Variants in EHMT1 observed in about 807,000 individuals in gnomAD.
EHMT1 encodes the protein euchromatic histone lysine methyltransferase 1.
A neutral mutation model predicts 147.2 loss-of-function variants in EHMT1; 15 were observed. The ratio of observed to expected loss-of-function variants is 0.10; its 90% CI spans 0.07 to 0.16. The LOEUF (loss-of-function observed/expected upper bound fraction) is 0.16. Ranked by LOEUF, EHMT1 falls within the 10% of genes least tolerant of loss-of-function variation. EHMT1 has a pLI of 1.00. For synonymous variants in EHMT1, 795 were observed against 709.6 expected, an observed-to-expected ratio of 1.12 and a Z score of -1.91; for missense variants, 1,587 against 1,772.4, an observed-to-expected ratio of 0.90 and a Z score of 1.88.
intron 1 of EHMT1, among the ~76,000 whole-genome samples, chr9:137,649,070 G>C (rs1262854454): frequency 6.6e-6 from 1 of 152,220 alleles, no homozygotes; most frequent in Admixed American, 6.5e-5. Flanking sequence ...GGGTTGAGTA[G>C]TGTCTTCCCA....
intron 6 of EHMT1, among the ~76,000 whole-genome samples, chr9:137,751,833 C>T (rs531655168): frequency 8.5e-5 from 13 of 152,274 alleles, no homozygotes; most frequent in African/African-American, 2.9e-4. Context: ...GAGGCGTGGG[C>T]AACTTAGCTG....
At position 137,813,220 on chromosome 9, in the gene EHMT1, G is replaced by A. The variant is rs113138915; in HGVS notation, c.3035+47G>A. 3.0e-3 allele frequency: 4,768 copies of A among 1,597,476 alleles called. 9 individuals are homozygous for A. Among genetic ancestry groups the A allele is most frequent in the Non-Finnish European group, 3.6e-3 (4,182 of 1,177,426 alleles). On this transcript the variant is annotated intron_variant, in intron 20 of 26. Transcript: ENST00000460843. This position sits in a 1 kb window ranked among gnomAD's most constrained non-coding sequence, Gnocchi z 4.9. ...CTTTGTGGCAAATCAGCGGTCAGCAGGGCTTTGGGAACTTGCGGTGAAAGC... is the reference window on the plus strand; with the variant it reads ...CTTTGTGGCAAATCAGCGGTCAGCAAGGCTTTGGGAACTTGCGGTGAAAGC...
At chr9:137,738,594 A>G (rs1947765014) in intron 4 of EHMT1, 1 of 152,170 alleles carries the variant, frequency 6.6e-6, no homozygotes, top group Non-Finnish European at 1.5e-5. Context: ...TTGTACACCC[A>G]CGTTGATAGC....
At chr9:137,690,482 C>T (rs1432392425) in intron 1 of EHMT1, among the ~76,000 whole-genome samples, 1 of 145,602 alleles carries the variant, frequency 6.9e-6, no homozygotes, top group Non-Finnish European at 1.5e-5. Context: ...GCACTCCCGC[C>T]TGGGTGGCAG....
intron 26 of EHMT1, 68 bp downstream of exon 26, chr9:137,834,592 T>C: frequency 1.2e-6 from 2 of 1,603,270 alleles, no homozygotes; most frequent in Non-Finnish European, 1.7e-6. Flanking sequence ...GGGGCTCGCA[T>C]TGCTTTCCTG....
Position 137,786,115 on chromosome 9 carries a change from T to A in EHMT1, c.2382+3718T>A, listed in dbSNP as rs770014590. 5.3e-5 allele frequency: 8 copies of A among 152,316 alleles called. No homozygotes were observed. Among genetic ancestry groups the A allele is most frequent in the Non-Finnish European group, 1.2e-4 (8 of 68,116 alleles). The allele number at this position is 152,316 out of a possible 1,614,324, so 9.4% of individuals were successfully genotyped here. A position where few individuals can be genotyped will look rare whatever the true frequency, so the allele number is the denominator to read the frequency against. ...AGGCCGAGTGAGGGGAGTACAGAGC[T>A]CTTCGTTCTGTTTTACAGCCTCTTG... On this transcript the variant is annotated intron_variant, in intron 15 of 26. Transcript: ENST00000460843. The surrounding 1 kb of genome is among the most constrained non-coding windows in gnomAD (Gnocchi z 4.3).
intron 10 of EHMT1, among the ~76,000 whole-genome samples, chr9:137,770,253 C>A (rs1239673528): frequency 6.6e-6 from 1 of 152,098 alleles, no homozygotes; most frequent in Non-Finnish European, 1.5e-5. Context: ...TTTTCTCCTT[C>A]CATTTTAGTT....
intron 22 of EHMT1, chr9:137,815,701 C>T: frequency 1.9e-6 from 1 of 524,906 alleles, no homozygotes; most frequent in Non-Finnish European, 3.5e-6. Flanking sequence ...CAGAAGCTGG[C>T]CCCAGGCTGG....
intron 7 of EHMT1, among the ~76,000 whole-genome samples, 184 bp downstream of exon 7, chr9:137,752,592 G>T (rs539526279): frequency 6.6e-6 from 1 of 152,330 alleles, no homozygotes; most frequent in South Asian, 2.1e-4. Flanking sequence ...GAAAGACACC[G>T]TGCAGAGTTG....
chr9:137,826,523 T>G (rs1201304142), intron 25 of EHMT1, among the ~76,000 whole-genome samples: 2 of 152,212 alleles, frequency 1.3e-5, no homozygotes, highest in South Asian at 4.1e-4. Context: ...CACCATAGAC[T>G]GCACAACAGA....
At chr9:137,694,147 TA>T (rs1943185935) in intron 1 of EHMT1, among the ~76,000 whole-genome samples, 1 of 103,998 alleles carries the variant, frequency 9.6e-6, no homozygotes, top group Non-Finnish European at 1.9e-5. Context: ...CGCTGGCCGA[TA>T]CCCCCACACA....
chr9:137,803,134 C>G, intron 18 of EHMT1: 1 of 1,228,718 alleles, frequency 8.1e-7, no homozygotes, highest in Non-Finnish European at 1.0e-6. Context: ...TGTTAGCTCT[C>G]TGATGCTGGT....
chr9:137,733,161 G>C (rs939055403), intron 4 of EHMT1, among the ~76,000 whole-genome samples: 1 of 152,240 alleles, frequency 6.6e-6, no homozygotes, highest in Non-Finnish European at 1.5e-5. Flanking sequence ...TCTGTGCTGT[G>C]CAAGAAGGTT....
chr9:137,800,441 A>C, intron 17 of EHMT1: 1 of 224,418 alleles, frequency 4.5e-6, no homozygotes, highest in Non-Finnish European at 9.0e-6. Context: ...TTGGAGGCTG[A>C]AGGAGGAGCA....
In EHMT1 at chr9:137,716,797, A is replaced by G. The variant is rs768711422; in HGVS notation, c.257A>G (p.Asn86Ser). 6.2e-7 allele frequency: 1 copy of G among 1,613,278 alleles called. No homozygotes were observed. The highest frequency in any genetic ancestry group is 1.1e-5 in the South Asian group (1 of 91,088). The change falls in exon 3 of 27, where the codon AAC becomes AGC. Residue 86 changes from asparagine (N) to serine (S), a missense_variant. This residue lies in a region of EHMT1 where 810 missense variants were observed against 673.0 expected (regional missense o/e 1.20). Coordinates refer to ENST00000460843, the MANE Select transcript of EHMT1 (RefSeq NM_024757.5). ...SARVNPQDGT[N>S]TLTRIAENGV... Reference sequence around the variant, plus strand: ...AGGGTCAACCCCCAGGATGGCACCAACACACTAACTCGGATAGCGGAAAAT... The same window carrying G: ...AGGGTCAACCCCCAGGATGGCACCAGCACACTAACTCGGATAGCGGAAAAT...
rs369524552 is a variant in EHMT1, at chr9:137,828,049, G to A, written c.3541-6300G>A. 2.0e-5 allele frequency among the ~76,000 whole-genome samples: 3 copies of A among 152,178 alleles called. No homozygotes were observed. The highest frequency in any genetic ancestry group is 4.4e-5 in the Non-Finnish European group (3 of 68,036). On this transcript the variant is annotated intron_variant, in intron 25 of 26. Coordinates refer to ENST00000460843, the MANE Select transcript of EHMT1 (RefSeq NM_024757.5). This position sits in a 1 kb window ranked among gnomAD's most constrained non-coding sequence, Gnocchi z 5.3. ...CAGGGTGCGACGGGGTGGTCGGCCC[G>A]GCTGCCATCGTGGGAGGGACGTGGA...
rs55802227 is a variant in EHMT1, at chr9:137,800,536, CGT to C, written c.2608-336_2608-335del. 120,403 of 341,852 alleles carry C rather than the reference CGT, an allele frequency of 0.35. 22,981 individuals are homozygous for C. The highest frequency in any genetic ancestry group is 0.41 in the Non-Finnish European group (73,400 of 178,714). 21.2% of individuals were successfully genotyped at this position (341,852 alleles called of 1,614,324 possible). On this transcript the variant is annotated intron_variant, in intron 17 of 26. Coordinates refer to ENST00000460843, the MANE Select transcript of EHMT1 (RefSeq NM_024757.5). ...CCTGGGCTTACGAAGTTTCAGCTCCCGTGTGTGTGCCATTAGACTCGTTGCAC... is the reference window on the plus strand; with the variant it reads ...CCTGGGCTTACGAAGTTTCAGCTCCCGTGTGTGCCATTAGACTCGTTGCAC...
chr9:137,744,109 G>T lies in EHMT1; in HGVS notation c.1170+19G>T. The T allele has an allele frequency of 6.2e-7, 1 of 1,613,398 alleles. No individual in the cohort carries two copies. The highest frequency in any genetic ancestry group is 2.2e-5 in the East Asian group (1 of 44,874). ...CCAGAAGGTATGTGTTGCTGTCTTG[G>T]GTGACAGCACAAGGAAAGAGCATCA... On this transcript the variant is annotated intron_variant, in intron 6 of 26. Transcript: ENST00000460843.
Position 137,788,733 on chromosome 9 carries a change from G to T in EHMT1, c.2383-2115G>T, listed in dbSNP as rs565390689. 2.0e-5 allele frequency: 3 copies of T among 152,326 alleles called. No homozygotes were observed. In the East Asian group the frequency reaches 5.8e-4, roughly 30 times the overall value. 9.4% of individuals were successfully genotyped at this position (152,326 alleles called of 1,614,324 possible). ...CGATGGGTAGCCGTTGGCGGGGAGT[G>T]CTCGCGAGCCTGGGAAGGGCGCCGT... On this transcript the variant is annotated intron_variant, in intron 15 of 26. Coordinates refer to ENST00000460843, the MANE Select transcript of EHMT1 (RefSeq NM_024757.5).
Sources: allele counts gnomAD v4.1 joint callset (sites outside exome capture counted in the v4.1 genomes callset), GRCh38; gene constraint gnomAD v4.1.1; regional missense constraint gnomAD v4.1.1; non-coding constraint Gnocchi (gnomAD v3.1); transcripts MANE v1.5; gene names NCBI Gene and HGNC (gene_info 2026-07-23, HGNC 2026-07-21).